The following TMEFF1 variants were observed in gnomAD, a reference collection of about 807,000 sequenced individuals.
TMEFF1 encodes transmembrane protein with EGF like and two follistatin like domains 1.
Under a neutral mutation model 47.5 loss-of-function variants are expected in TMEFF1, and 20 were observed. That is an observed-to-expected ratio of 0.42 (90% CI 0.30 to 0.61). TMEFF1 has a LOEUF of 0.61. TMEFF1 is among the 20% of genes least tolerant of loss of function. TMEFF1 has a pLI of 0.19. For missense variants in TMEFF1, 411 were observed against 471.1 expected (o/e 0.87, Z 1.18); for synonymous variants, 162 against 166.3 (o/e 0.97, Z 0.20).
chr9:100,543,220 G>A (rs1388308513), intron 5 of TMEFF1, among the ~76,000 whole-genome samples: 4 of 152,036 alleles, frequency 2.6e-5, no homozygotes, highest in African/African-American at 4.8e-5. Context: ...GAGCCACTGC[G>A]CCCAGCCCAT....
intron 3 of TMEFF1, among the ~76,000 whole-genome samples, chr9:100,511,715 A>G (rs997195633): frequency 7.2e-5 from 11 of 152,158 alleles, no homozygotes; most frequent in African/African-American, 2.4e-4. Flanking sequence ...GTATTTCTAT[A>G]CATATACCAT....
intron 1 of TMEFF1, among the ~76,000 whole-genome samples, chr9:100,487,924 T>G (rs1564008100): frequency 6.6e-6 from 1 of 152,312 alleles, no homozygotes; most frequent in Admixed American, 6.5e-5. Flanking sequence ...AAAAATTATC[T>G]TTTAAAATCA....
At chr9:100,574,289 T>G (rs1246555948) in intron 9 of TMEFF1, among the ~76,000 whole-genome samples, 1 of 152,228 alleles carries the variant, frequency 6.6e-6, no homozygotes, top group African/African-American at 2.4e-5. Context: ...GAAGACCATT[T>G]AAGTCATTAT....
chr9:100,549,814 G>T (rs1279986822), intron 6 of TMEFF1, among the ~76,000 whole-genome samples: 1 of 152,168 alleles, frequency 6.6e-6, no homozygotes, highest in African/African-American at 2.4e-5. Context: ...CAGAGTAGGT[G>T]TTGTTTTAGT....
chr9:100,550,981 C>T (rs550637707), intron 7 of TMEFF1, among the ~76,000 whole-genome samples: 4 of 152,342 alleles, frequency 2.6e-5, no homozygotes, highest in African/African-American at 9.6e-5. Flanking sequence ...ATTCTTATAA[C>T]TGCTCTTTGA....
intron 7 of TMEFF1, among the ~76,000 whole-genome samples, chr9:100,558,588 C>G (rs1392584052): frequency 6.6e-6 from 1 of 151,570 alleles, no homozygotes; most frequent in African/African-American, 2.4e-5. Flanking sequence ...GTTTTGACCT[C>G]TGTTAGGAAA....
At chr9:100,477,076 C>T (rs80293757) in intron 1 of TMEFF1, among the ~76,000 whole-genome samples, 8,702 of 152,312 alleles carry the variant, frequency 0.057, 373 homozygotes, top group South Asian at 0.15. Flanking sequence ...TTTCAGCCTA[C>T]TGTGAGCTTT....
chr9:100,515,819 A>AAAG (rs1270879342), intron 4 of TMEFF1, among the ~76,000 whole-genome samples: 1 of 152,080 alleles, frequency 6.6e-6, no homozygotes, highest in Non-Finnish European at 1.5e-5. Context: ...AACAAAAAAA[A>AAAG]AAGACACTCC....
intron 5 of TMEFF1, among the ~76,000 whole-genome samples, chr9:100,539,706 G>A (rs1838590661): frequency 6.6e-6 from 1 of 152,158 alleles, no homozygotes; most frequent in Non-Finnish European, 1.5e-5. Context: ...AAAGAACAAA[G>A]CTTCCACAGC....
chr9:100,476,699 G>A (rs1054338896), intron 1 of TMEFF1, among the ~76,000 whole-genome samples: 11 of 115,844 alleles, frequency 9.5e-5, no homozygotes, highest in African/African-American at 3.3e-4. Context: ...GGCCTATTTC[G>A]TTTTTTTTTT....
At chr9:100,559,053 G>A (rs1363032116) in intron 7 of TMEFF1, among the ~76,000 whole-genome samples, 1 of 152,110 alleles carries the variant, frequency 6.6e-6, no homozygotes, top group Admixed American at 6.6e-5. Context: ...TGTGTGCTTA[G>A]CCATTATATG....
intron 1 of TMEFF1, among the ~76,000 whole-genome samples, chr9:100,495,069 A>G (rs1389891465): frequency 6.6e-6 from 1 of 152,136 alleles, no homozygotes; most frequent in Non-Finnish European, 1.5e-5. Context: ...TCGTTTGCAA[A>G]TGAGAAAATT....
At chr9:100,539,912 C>T (rs1703417524) in intron 5 of TMEFF1, among the ~76,000 whole-genome samples, 1 of 152,180 alleles carries the variant, frequency 6.6e-6, no homozygotes, top group African/African-American at 2.4e-5. Flanking sequence ...GCTGCATTTA[C>T]AAACCTTTAG....
At chr9:100,478,341 AC>A (rs1408693043) in intron 1 of TMEFF1, among the ~76,000 whole-genome samples, 3 of 152,126 alleles carry the variant, frequency 2.0e-5, no homozygotes, top group African/African-American at 4.8e-5. Context: ...TTTGTTTGAG[AC>A]AGGATCTCAT....
chr9:100,556,060 G>A (rs1838908325), intron 7 of TMEFF1, among the ~76,000 whole-genome samples: 1 of 151,828 alleles, frequency 6.6e-6, no homozygotes, highest in South Asian at 2.1e-4. Context: ...ATTACCTTCA[G>A]ATATTTAATC....
chr9:100,528,312 A>G (rs1484137297), intron 5 of TMEFF1, among the ~76,000 whole-genome samples: 3 of 150,564 alleles, frequency 2.0e-5, no homozygotes, highest in African/African-American at 4.9e-5. Context: ...GAGGACATTC[A>G]AACCAAAGGC....
intron 1 of TMEFF1, among the ~76,000 whole-genome samples, chr9:100,475,263 T>A (rs1206053156): frequency 6.6e-6 from 1 of 152,194 alleles, no homozygotes; most frequent in Non-Finnish European, 1.5e-5. Context: ...TTTGAAGGCC[T>A]TAAATCTTTT....
intron 3 of TMEFF1, among the ~76,000 whole-genome samples, chr9:100,509,917 G>A (rs147483976): frequency 6.2e-4 from 94 of 152,016 alleles, no homozygotes; most frequent in Non-Finnish European, 1.3e-3. Context: ...TTCCAGAATT[G>A]GTAGTGGTTG....
At chr9:100,484,416 C>T (rs1467897736) in intron 1 of TMEFF1, among the ~76,000 whole-genome samples, 4 of 151,700 alleles carry the variant, frequency 2.6e-5, no homozygotes, top group Non-Finnish European at 4.4e-5. Context: ...CTCCTGGGTT[C>T]AAGCGATTCT....
Sources: allele counts gnomAD v4.1 joint callset (sites outside exome capture counted in the v4.1 genomes callset), GRCh38; gene constraint gnomAD v4.1.1; transcripts MANE v1.5; gene names NCBI Gene and HGNC (gene_info 2026-07-23, HGNC 2026-07-21).